Variants in ZNF519 observed in about 807,000 individuals in gnomAD.
ZNF519 encodes the protein similar to Zinc finger protein 85 (Zinc finger protein HPF4) (HTF1).
A neutral mutation model predicts 7.4 loss-of-function variants in ZNF519; 7 were observed. The observed-to-expected ratio is 0.94, with a 90% CI of 0.54 to 1.77. The LOEUF (loss-of-function observed/expected upper bound fraction) is 1.77, where lower values mean the gene tolerates loss of function less well. Ranked by LOEUF, ZNF519 falls within the 40% of genes most tolerant of loss-of-function variation. The probability of loss-of-function intolerance (pLI) is 0.00; values close to 1 mark genes in which losing one functional copy is unlikely to be tolerated. For missense variants in ZNF519, 586 were observed against 623.1 expected (o/e 0.94, Z 0.63); for synonymous variants, 179 against 203.3 (o/e 0.88, Z 1.02).
intron 2 of ZNF519, among the ~76,000 whole-genome samples, chr18:14,085,919 C>A (rs959157263): frequency 1.3e-5 from 2 of 152,184 alleles, no homozygotes; most frequent in Admixed American, 1.3e-4. Flanking sequence ...GGCATCAGGC[C>A]ACGAGCAAAC....
chr18:14,111,966 A>G (rs1384824403), intron 2 of ZNF519, among the ~76,000 whole-genome samples: 1 of 152,204 alleles, frequency 6.6e-6, no homozygotes, highest in Non-Finnish European at 1.5e-5. Flanking sequence ...ACGCCTATCA[A>G]AAAAATCTAT....
intron 2 of ZNF519, among the ~76,000 whole-genome samples, chr18:14,107,875 T>G (rs1488475695): frequency 6.6e-6 from 1 of 152,044 alleles, no homozygotes; most frequent in East Asian, 1.9e-4. Context: ...TGGGAAGAAC[T>G]GAATCTTACG....
chr18:14,132,292 G>A lies in ZNF519; in HGVS notation c.-15C>T, dbSNP rs1350306853. 1 of 1,613,836 alleles carries A rather than the reference G, an allele frequency of 6.2e-7. No homozygotes were observed. Among genetic ancestry groups the A allele is most frequent in the Non-Finnish European group, 8.5e-7 (1 of 1,179,822 alleles). On this transcript the variant is annotated 5_prime_UTR_variant, in exon 1 of 3. Coordinates refer to ENST00000590202, the MANE Select transcript of ZNF519 (RefSeq NM_145287.4). ...ACACTCACCATTTCTCGGCTTCAGG[G>A]GTGTCCTGGAGTCTTAGCTATAAAT...
intron 2 of ZNF519, among the ~76,000 whole-genome samples, chr18:14,123,414 C>G (rs3887410): frequency 6.6e-6 from 1 of 152,006 alleles, no homozygotes; most frequent in South Asian, 2.1e-4. Flanking sequence ...CCAGTACTAT[C>G]GAATCAAAAA....
intron 2 of ZNF519, among the ~76,000 whole-genome samples, chr18:14,106,834 T>G (rs1256025043): frequency 6.6e-6 from 1 of 152,082 alleles, no homozygotes; most frequent in Non-Finnish European, 1.5e-5. Flanking sequence ...CTGAACTCAG[T>G]GCTGCCCTAT....
At chr18:14,092,897 T>C (rs1217957896) in intron 2 of ZNF519, among the ~76,000 whole-genome samples, 1 of 152,194 alleles carries the variant, frequency 6.6e-6, no homozygotes, top group Non-Finnish European at 1.5e-5. Flanking sequence ...ACATGGTTTC[T>C]ATCAGCACAG....
intron 2 of ZNF519, among the ~76,000 whole-genome samples, chr18:14,114,844 A>T (rs2046238019): frequency 6.6e-6 from 1 of 152,212 alleles, no homozygotes; most frequent in Non-Finnish European, 1.5e-5. Context: ...TAATGAATAC[A>T]CCATTTACCC....
downstream of ZNF519, among the ~76,000 whole-genome samples, chr18:14,095,228 A>T (rs901650970): frequency 3.9e-5 from 6 of 152,174 alleles, no homozygotes; most frequent in Non-Finnish European, 7.4e-5. Context: ...TTTTGCCTGG[A>T]GACAGGGAAA....
At chr18:14,125,989 T>G (rs929623272) in intron 1 of ZNF519, among the ~76,000 whole-genome samples, 7 of 152,092 alleles carry the variant, frequency 4.6e-5, no homozygotes, top group African/African-American at 1.7e-4. Context: ...CCCGGCCTAA[T>G]TTTTTAAAAA....
Position 14,088,174 on chromosome 18 carries a change from T to C in ZNF519, c.131-3098A>G, listed in dbSNP as rs1345273873. Among the ~76,000 whole-genome samples, 3 of 152,352 alleles carry C rather than the reference T, an allele frequency of 2.0e-5. No homozygotes were observed. In the East Asian group the frequency reaches 5.8e-4, roughly 29 times the overall value. On this transcript the variant is annotated intron_variant and NMD_transcript_variant, in intron 2 of 4. Transcript: ENST00000587419. ...CGTTTTAGCAAATGGAAAGTACAGC[T>C]TAGGATGCTTGTTTGCCTCTAGCAT...
chr18:14,119,299 T>C (rs1277012481), intron 2 of ZNF519, among the ~76,000 whole-genome samples: 1 of 152,172 alleles, frequency 6.6e-6, no homozygotes, highest in Non-Finnish European at 1.5e-5. Context: ...ACTGTAACCA[T>C]TGTTAGATCC....
At chr18:14,078,002 TGTTG>T (rs2046055000) in intron 4 of ZNF519, among the ~76,000 whole-genome samples, 1 of 152,130 alleles carries the variant, frequency 6.6e-6, no homozygotes, top group Admixed American at 6.6e-5. Context: ...GATCAGGTGT[TGTTG>T]CGGAGATGGT....
chr18:14,124,276 A>G (rs2046285071), intron 2 of ZNF519, 74 bp downstream of exon 2: 6 of 1,418,354 alleles, frequency 4.2e-6, no homozygotes, highest in South Asian at 1.5e-5. Flanking sequence ...AGAAGCTCTC[A>G]AGAGACAGTC....
chr18:14,106,588 G>C (rs1180328147), intron 2 of ZNF519, 179 bp from the exon 3 acceptor site: 2 of 449,832 alleles, frequency 4.4e-6, no homozygotes, highest in African/African-American at 4.1e-5. Flanking sequence ...TCCCCTGCAA[G>C]GTCACCAATT....
intron 2 of ZNF519, among the ~76,000 whole-genome samples, chr18:14,120,197 A>C (rs1292919620): frequency 2.0e-5 from 3 of 152,058 alleles, no homozygotes; most frequent in Non-Finnish European, 4.4e-5. Flanking sequence ...GCATAAAAAC[A>C]GATACAAAAA....
At chr18:14,077,734 G>A (rs576654643) in intron 4 of ZNF519, among the ~76,000 whole-genome samples, 15 of 152,044 alleles carry the variant, frequency 9.9e-5, no homozygotes, top group African/African-American at 3.4e-4. Flanking sequence ...TCTGGGACAT[G>A]AGGGACTGAC....
chr18:14,090,764 A>T (rs1278303183), intron 2 of ZNF519: 1 of 152,246 alleles, frequency 6.6e-6, no homozygotes, highest in Non-Finnish European at 1.5e-5. Context: ...AAGACTGGAG[A>T]TCCCGGAACA....
Position 14,105,410 on chromosome 18 carries a change from C to G in ZNF519, c.1130G>C (p.Arg377Thr). 1 of 1,608,564 alleles carries G rather than the reference C, an allele frequency of 6.2e-7. No individual in the cohort carries two copies. Among genetic ancestry groups the G allele is most frequent in the Non-Finnish European group, 8.5e-7 (1 of 1,178,592 alleles). ...AAAGGCTTTGCCACATTCCTTACAT[C>G]TGAAAGGTTTCTCTCCGGTATGGAT... Reference protein sequence around the residue: ...QRIHTGEKPFRCKECGKAFNR... With the variant: ...QRIHTGEKPFTCKECGKAFNR... Residue 377 changes from arginine (R) to threonine (T), a missense_variant, in exon 3 of 3, where the codon AGA (arginine) becomes ACA (threonine). Physicochemically the swap from Arg to Thr is moderately conservative, Grantham distance 71 (BLOSUM62 -1). Coordinates refer to ENST00000590202, the MANE Select transcript of ZNF519 (RefSeq NM_145287.4).
At chr18:14,109,117 C>CA (rs1394519344) in intron 2 of ZNF519, among the ~76,000 whole-genome samples, 6 of 117,344 alleles carry the variant, frequency 5.1e-5, no homozygotes, top group African/African-American at 2.1e-4. Context: ...AACTCCGTCT[C>CA]AAAAAAAAAA....
Sources: allele counts gnomAD v4.1 joint callset (sites outside exome capture counted in the v4.1 genomes callset), GRCh38; gene constraint gnomAD v4.1.1; transcripts MANE v1.5; gene names NCBI Gene and HGNC (gene_info 2026-07-23, HGNC 2026-07-21).